RORA: variants seen among roughly 807,000 people sequenced by gnomAD.
RORA encodes the protein RAR related orphan receptor A, also known as nuclear receptor ROR-alpha.
A neutral mutation model predicts 69.5 loss-of-function variants in RORA; 7 were observed. The ratio of observed to expected loss-of-function variants is 0.10; its 90% CI spans 0.06 to 0.19. The LOEUF is 0.19. Among genes scored for constraint, RORA ranks in the 10% least tolerant of loss-of-function variants. RORA has a pLI of 1.00. For synonymous variants in RORA, 261 were observed against 240.8 expected (o/e 1.08, Z -0.78); for missense variants, 457 against 663.0 (o/e 0.69, Z 3.41).
chr15:60,734,344 C>T (rs1321115421), intron 1 of RORA, among the ~76,000 whole-genome samples: 1 of 152,138 alleles, frequency 6.6e-6, no homozygotes, highest in Non-Finnish European at 1.5e-5. Context: ...GACCACTACC[C>T]TAAACACAAG....
At chr15:60,955,176 C>G (rs1345380893) in intron 1 of RORA, among the ~76,000 whole-genome samples, 1 of 152,130 alleles carries the variant, frequency 6.6e-6, no homozygotes, top group African/African-American at 2.4e-5. Context: ...GTGATGCATG[C>G]CTGTAATCCC....
At chr15:60,823,196 C>A (rs1042699085) in intron 1 of RORA, among the ~76,000 whole-genome samples, 6 of 151,468 alleles carry the variant, frequency 4.0e-5, no homozygotes. Context: ...CTTCCTTCCT[C>A]CCTTCCTTTC....
At chr15:60,583,023 A>G (rs1170916111) in intron 2 of RORA, among the ~76,000 whole-genome samples, 1 of 152,244 alleles carries the variant, frequency 6.6e-6, no homozygotes, top group African/African-American at 2.4e-5. Context: ...CCAGAGACTG[A>G]CATGATCACT....
intron 1 of RORA, among the ~76,000 whole-genome samples, chr15:61,200,489 T>C (rs10851691): frequency 0.43 from 65,062 of 151,926 alleles, 15,556 homozygotes; most frequent in South Asian, 0.55. Context: ...AATGAATCAC[T>C]GACAGACAAG....
chr15:61,180,752 T>C (rs1233984703), intron 1 of RORA, among the ~76,000 whole-genome samples: 2 of 152,182 alleles, frequency 1.3e-5, no homozygotes, highest in African/African-American at 4.8e-5. Flanking sequence ...GTTGCCCACT[T>C]TTGAGTTCCA....
intron 2 of RORA, among the ~76,000 whole-genome samples, chr15:60,570,076 G>C (rs1432859672): frequency 6.6e-6 from 1 of 152,044 alleles, no homozygotes; most frequent in Non-Finnish European, 1.5e-5. Context: ...GGAGGTGAAG[G>C]GGACAGATCC....
At chr15:61,030,973 T>C (rs1264063233) in intron 1 of RORA, among the ~76,000 whole-genome samples, 1 of 152,344 alleles carries the variant, frequency 6.6e-6, no homozygotes, top group South Asian at 2.1e-4. Context: ...CACATGTATA[T>C]TTCATTTTAA....
At chr15:60,942,013 A>C (rs571589999) in intron 1 of RORA, among the ~76,000 whole-genome samples, 1 of 152,354 alleles carries the variant, frequency 6.6e-6, no homozygotes, top group South Asian at 2.1e-4. Flanking sequence ...TCTTCAAGCA[A>C]ACTCACCTTT....
intron 2 of RORA, among the ~76,000 whole-genome samples, chr15:60,605,482 T>C (rs1318858364): frequency 6.6e-6 from 1 of 152,192 alleles, no homozygotes; most frequent in African/African-American, 2.4e-5. Flanking sequence ...GCTAACAACA[T>C]AATCTAAATG....
intron 1 of RORA, among the ~76,000 whole-genome samples, chr15:61,164,462 A>G (rs950617497): frequency 6.6e-6 from 1 of 152,200 alleles, no homozygotes; most frequent in Non-Finnish European, 1.5e-5. Flanking sequence ...CACAAACCTA[A>G]GCAATGCAAC....
intron 1 of RORA, among the ~76,000 whole-genome samples, chr15:61,190,862 T>C (rs936830566): frequency 1.3e-5 from 2 of 152,240 alleles, no homozygotes; most frequent in Non-Finnish European, 2.9e-5. Flanking sequence ...TATATATATT[T>C]ATATAAAGTA....
intron 1 of RORA, among the ~76,000 whole-genome samples, chr15:61,197,647 T>C (rs1378686529): frequency 3.3e-5 from 5 of 152,208 alleles, no homozygotes; most frequent in African/African-American, 4.8e-5. Flanking sequence ...GGACATTCAC[T>C]GGGAACCGTC....
At chr15:60,751,668 C>T (rs900908831) in intron 1 of RORA, among the ~76,000 whole-genome samples, 3 of 152,176 alleles carry the variant, frequency 2.0e-5, no homozygotes, top group Non-Finnish European at 1.5e-5. Context: ...TTCTTGACCA[C>T]TGCGGGCCTG....
intron 1 of RORA, among the ~76,000 whole-genome samples, chr15:60,864,734 G>A (rs559931129): frequency 6.6e-6 from 1 of 152,316 alleles, no homozygotes; most frequent in African/African-American, 2.4e-5. Flanking sequence ...AGATACATAT[G>A]AACTTACACA....
rs1372144321 is a variant in RORA, at chr15:60,537,179, T to TC, written c.197-5329dup. Among the ~76,000 whole-genome samples the TC allele has an allele frequency of 6.6e-6, 1 of 152,166 alleles. No homozygotes were observed. Among genetic ancestry groups the TC allele is most frequent in the Non-Finnish European group, 1.5e-5 (1 of 68,020 alleles). ...TAGCCGGGGGAGAGCTGCAGAGTCT[T>TC]CACCTTATTCCCTGGAGGGACTTCA... On this transcript the variant is annotated intron_variant, in intron 2 of 10. Transcript: ENST00000335670. This position sits in a 1 kb window ranked among gnomAD's most constrained non-coding sequence, Gnocchi z 4.9.
intron 2 of RORA, among the ~76,000 whole-genome samples, chr15:60,674,439 C>T (rs2070521920): frequency 6.6e-6 from 1 of 152,150 alleles, no homozygotes; most frequent in Admixed American, 6.5e-5. Flanking sequence ...CTAATTTTCT[C>T]TAAGTCAAAT....
chr15:60,695,794 G>A (rs1454060753), intron 1 of RORA, among the ~76,000 whole-genome samples: 2 of 152,006 alleles, frequency 1.3e-5, no homozygotes, highest in East Asian at 3.9e-4. Context: ...TATGGCTCGA[G>A]AAAGTACACG....
At chr15:60,886,076 A>G in intron 1 of RORA, among the ~76,000 whole-genome samples, 1 of 152,198 alleles carries the variant, frequency 6.6e-6, no homozygotes, top group Admixed American at 6.6e-5. Flanking sequence ...ACCTTCAGCA[A>G]ATAGAGGGAA....
intron 1 of RORA, among the ~76,000 whole-genome samples, chr15:61,006,344 G>GA (rs908348973): frequency 6.6e-6 from 1 of 151,946 alleles, no homozygotes; most frequent in Non-Finnish European, 1.5e-5. Context: ...TTGCAACTAA[G>GA]AAAAAACTGC....
Sources: allele counts gnomAD v4.1 joint callset (sites outside exome capture counted in the v4.1 genomes callset), GRCh38; gene constraint gnomAD v4.1.1; non-coding constraint Gnocchi (gnomAD v3.1); transcripts MANE v1.5; gene names NCBI Gene and HGNC (gene_info 2026-07-23, HGNC 2026-07-21).